The following LYRM4 variants were observed in gnomAD, a reference collection of about 807,000 sequenced individuals.
LYRM4 encodes LYR motif-containing protein 4.
LYRM4 carries 9 observed loss-of-function variants against 11.7 expected under a neutral mutation model. That is an observed-to-expected ratio of 0.77 (90% CI 0.46 to 1.34). The LOEUF (loss-of-function observed/expected upper bound fraction) is 1.34. LYRM4 is among the 40% of genes most tolerant of loss of function. The pLI, the probability that LYRM4 is intolerant of heterozygous loss-of-function variation, is 0.00. For synonymous variants in LYRM4, 42 were observed against 40.4 expected, an observed-to-expected ratio of 1.04 and a Z score of -0.15; for missense variants, 133 against 112.5, an observed-to-expected ratio of 1.18 and a Z score of -0.82.
the LYRM4 span, chr6:5,066,969 A>T: frequency 1.0e-6 from 1 of 980,596 alleles, no homozygotes; most frequent in Non-Finnish European, 1.4e-6. Flanking sequence ...AAATCCGGCC[A>T]CTGGGATCCA....
chr6:5,151,536 C>T (rs1036026036), intron 2 of LYRM4, among the ~76,000 whole-genome samples: 5 of 152,176 alleles, frequency 3.3e-5, no homozygotes, highest in Non-Finnish European at 4.4e-5. Flanking sequence ...CTTGAGCAAA[C>T]GGCTCCTCTA....
chr6:5,224,831 A>T (rs1192522020), intron 1 of LYRM4, among the ~76,000 whole-genome samples: 2 of 151,588 alleles, frequency 1.3e-5, no homozygotes, highest in Admixed American at 1.3e-4. Flanking sequence ...ATGGTGATGC[A>T]TGCCTGTAAT....
intron 1 of LYRM4, among the ~76,000 whole-genome samples, chr6:5,227,942 A>G (rs563971608): frequency 6.6e-6 from 1 of 152,284 alleles, no homozygotes; most frequent in South Asian, 2.1e-4. Flanking sequence ...ATGAGAACAC[A>G]TGGACACAGG....
chr6:5,160,888 G>A (rs1442363790), intron 2 of LYRM4, among the ~76,000 whole-genome samples: 5 of 152,068 alleles, frequency 3.3e-5, no homozygotes, highest in African/African-American at 1.2e-4. Context: ...TATGTGATGG[G>A]GAGCAAACGA....
intron 1 of LYRM4, among the ~76,000 whole-genome samples, chr6:5,253,833 CAAA>C (rs59576268): frequency 9.4e-5 from 13 of 137,786 alleles, no homozygotes; most frequent in African/African-American, 1.3e-4. Flanking sequence ...TCATGCTGAG[CAAA>C]AAAAAAAAAA....
At chr6:5,090,050 C>A in the LYRM4 span, among the ~76,000 whole-genome samples, 1 of 152,002 alleles carries the variant, frequency 6.6e-6, no homozygotes, top group African/African-American at 2.4e-5. This position sits in a 1 kb window ranked among gnomAD's most constrained non-coding sequence, Gnocchi z 4.8. Flanking sequence ...ACCACACACA[C>A]ACCACAAACA....
rs867456108 is a variant in LYRM4 at position 5,253,712 on chromosome 6, T to C, written c.86+6936A>G. The stretch of plus-strand genomic sequence containing the variant: ...ACCAATTGAGAGCAATCATGGAAAC[T>C]GATCCTCTTACAATACTCGAGAAGT... On this transcript the variant is annotated intron_variant, in intron 1 of 2. Coordinates refer to ENST00000330636, the MANE Select transcript of LYRM4 (RefSeq NM_020408.6). Among the ~76,000 whole-genome samples, 25 of 152,194 alleles carry C rather than the reference T, an allele frequency of 1.6e-4. No individual in the cohort carries two copies. In the South Asian group the frequency reaches 5.0e-3, roughly 30 times the overall value.
intron 2 of LYRM4, among the ~76,000 whole-genome samples, chr6:5,149,574 T>C (rs1386098456): frequency 7.2e-6 from 1 of 139,600 alleles, no homozygotes; most frequent in Non-Finnish European, 1.5e-5. Flanking sequence ...ACTCTAGAAT[T>C]AGGGGAAGCA....
At chr6:5,136,863 A>G (rs1024079290) in intron 2 of LYRM4, 1 of 970,430 alleles carries the variant, frequency 1.0e-6, no homozygotes, top group African/African-American at 1.8e-5. Flanking sequence ...ATACACCATC[A>G]AATCTATCCA....
intron 2 of LYRM4, among the ~76,000 whole-genome samples, chr6:5,211,532 CT>C (rs1761986912): frequency 6.6e-6 from 1 of 152,206 alleles, no homozygotes. Flanking sequence ...ATGTTAACCC[CT>C]TTCCAATGAT....
At chr6:5,165,295 T>C (rs1049009798) in intron 2 of LYRM4, among the ~76,000 whole-genome samples, 2 of 152,200 alleles carry the variant, frequency 1.3e-5, no homozygotes, top group African/African-American at 2.4e-5. Flanking sequence ...TGTATATCTG[T>C]GTTTATTTTT....
chr6:5,097,943 C>T, the LYRM4 span, among the ~76,000 whole-genome samples: 1 of 152,214 alleles, frequency 6.6e-6, no homozygotes, highest in African/African-American at 2.4e-5. Context: ...TCTTGAGGGG[C>T]CTCCTGTTTG....
At chr6:5,120,547 G>A (rs923575316) in intron 2 of LYRM4, among the ~76,000 whole-genome samples, 2 of 152,216 alleles carry the variant, frequency 1.3e-5, no homozygotes, top group Non-Finnish European at 2.9e-5. Context: ...CCACAGCGTG[G>A]AAGGGGACGC....
chr6:5,239,855 G>A (rs998120596), intron 1 of LYRM4, among the ~76,000 whole-genome samples: 4 of 152,242 alleles, frequency 2.6e-5, no homozygotes, highest in African/African-American at 7.2e-5. Context: ...GAGGGTCCCT[G>A]AGCATAGGCC....
At chr6:5,219,081 A>T (rs749805553) in intron 1 of LYRM4, among the ~76,000 whole-genome samples, 15 of 152,166 alleles carry the variant, frequency 9.9e-5, no homozygotes, top group African/African-American at 3.6e-4. Flanking sequence ...CGTATGCTGC[A>T]TGGGCTTCTT....
intron 2 of LYRM4, among the ~76,000 whole-genome samples, chr6:5,153,454 C>A (rs898822539): frequency 1.3e-5 from 2 of 152,216 alleles, no homozygotes; most frequent in African/African-American, 4.8e-5. Flanking sequence ...CTTGTGCCTG[C>A]CCAGCTGGGC....
In LYRM4 at chr6:5,218,370, G is replaced by T. The variant is rs189732856; in HGVS notation, c.87-1632C>A. 6 of 984,970 alleles carry T rather than the reference G, an allele frequency of 6.1e-6. No homozygotes were observed. In the Admixed American group the frequency reaches 1.8e-4, roughly 30 times the overall value. The allele number at this position is 984,970 out of a possible 1,614,324, so 61.0% of individuals were successfully genotyped here. A position where few individuals can be genotyped will look rare whatever the true frequency, so the allele number is the denominator to read the frequency against. On this transcript the variant is annotated intron_variant, in intron 1 of 2. Coordinates refer to ENST00000330636, the MANE Select transcript of LYRM4 (RefSeq NM_020408.6). ...ATTTCCTTGGGAGCAGCGCGGAGGG[G>T]GTGTTGGGAGCTCATATAACTTATT... is the stretch of plus-strand genomic sequence containing the variant.
At chr6:5,180,334 T>A (rs1463618981) in intron 2 of LYRM4, among the ~76,000 whole-genome samples, 1 of 152,196 alleles carries the variant, frequency 6.6e-6, no homozygotes, top group Non-Finnish European at 1.5e-5. Flanking sequence ...GTGATTTCCT[T>A]ACTGTGACAA....
intron 2 of LYRM4, chr6:5,136,239 G>C: frequency 3.1e-6 from 3 of 962,860 alleles, no homozygotes; most frequent in Non-Finnish European, 3.7e-6. Flanking sequence ...TCAGTTCTCT[G>C]GGGTATATAC....
Sources: allele counts gnomAD v4.1 joint callset (sites outside exome capture counted in the v4.1 genomes callset), GRCh38; gene constraint gnomAD v4.1.1; non-coding constraint Gnocchi (gnomAD v3.1); transcripts MANE v1.5; gene names NCBI Gene and HGNC (gene_info 2026-07-23, HGNC 2026-07-21).